The following GZMK variants were observed in gnomAD, a reference collection of about 807,000 sequenced individuals.
The protein encoded by GZMK is NK-Tryp-2.
Under a neutral mutation model 22.8 loss-of-function variants are expected in GZMK, and 18 were observed. The ratio of observed to expected loss-of-function variants is 0.79; its 90% CI spans 0.54 to 1.17. GZMK has a LOEUF of 1.17. Ranked by LOEUF, GZMK falls within the 50% of genes most tolerant of loss-of-function variation. The probability of loss-of-function intolerance (pLI) is 0.00; values close to 1 mark genes in which losing one functional copy is unlikely to be tolerated. For synonymous variants in GZMK, 136 were observed against 115.0 expected (o/e 1.18, Z -1.17); for missense variants, 342 against 320.2 (o/e 1.07, Z -0.52).
chr5:55,030,370 C>T, intron 2 of GZMK, 64 bp from the exon 3 acceptor site: 2 of 1,478,942 alleles, frequency 1.4e-6, no homozygotes, highest in South Asian at 1.2e-5. Context: ...TCTCGACCAT[C>T]ACCACTCCCC....
Position 55,024,796 on chromosome 5 carries a change from C to T in GZMK, c.201C>T (p.His67=), listed in dbSNP as rs1741119533. 5.0e-6 allele frequency: 8 copies of T among 1,598,388 alleles called. No homozygotes were observed. Among genetic ancestry groups the T allele is most frequent in the Non-Finnish European group, 6.0e-6 (7 of 1,170,196 alleles). The change falls in exon 2 of 5, where the codon CAC becomes CAT. Residue 67 remains histidine (H), a synonymous_variant. Coordinates refer to ENST00000231009, the MANE Select transcript of GZMK (RefSeq NM_002104.3). Reference sequence around the variant, plus strand: ...CACAGTGGGTGCTGACAGCAGCCCACTGCCAATATCGGTGAGTCCTCCACA... The same window carrying T: ...CACAGTGGGTGCTGACAGCAGCCCATTGCCAATATCGGTGAGTCCTCCACA... The part of the protein sequence containing the change: ...IDPQWVLTAA[H]CQYRFTKGQS...
chr5:55,031,169 C>G (rs943153218), intron 3 of GZMK, among the ~76,000 whole-genome samples, 195 bp from the exon 4 acceptor site: 9 of 152,202 alleles, frequency 5.9e-5, no homozygotes, highest in Admixed American at 3.9e-4. Flanking sequence ...CCGCCCCAAG[C>G]CTCAGTGAGC....
At chr5:55,027,863 G>C (rs563737709) in intron 2 of GZMK, among the ~76,000 whole-genome samples, 3 of 152,304 alleles carry the variant, frequency 2.0e-5, no homozygotes, top group African/African-American at 7.2e-5. Flanking sequence ...CCTGTGCTGT[G>C]CAACTGAAAA....
At chr5:55,028,847 C>T (rs1741176288) in intron 2 of GZMK, among the ~76,000 whole-genome samples, 1 of 152,190 alleles carries the variant, frequency 6.6e-6, no homozygotes, top group South Asian at 2.1e-4. Flanking sequence ...TTTATCACTG[C>T]TGTAAATGTA....
intron 1 of GZMK, 51 bp from the exon 2 acceptor site, chr5:55,024,609 G>T: frequency 1.5e-6 from 2 of 1,305,476 alleles, no homozygotes; most frequent in South Asian, 1.3e-5. Context: ...AGAATTACAT[G>T]AAACAGTAGT....
At chr5:55,024,570 T>G in intron 1 of GZMK, 90 bp from the exon 2 acceptor site, 1 of 1,023,928 alleles carries the variant, frequency 9.8e-7, no homozygotes. Flanking sequence ...TTTTTAAGCT[T>G]TGAAAATAAT....
Position 55,034,061 on chromosome 5 carries a change from G to T in GZMK, c.*135G>T. 1 of 572,908 alleles carries T rather than the reference G, an allele frequency of 1.7e-6. No homozygotes were observed. The highest frequency in any genetic ancestry group is 2.6e-5 in the South Asian group (1 of 38,466). The allele number at this position is 572,908 out of a possible 1,614,324, so 35.5% of individuals were successfully genotyped here. ...GTAAGTCATTTTATTAAGGAATCAA[G>T]TTCTTTTTCACTTGTATCACTGATG... On this transcript the variant is annotated 3_prime_UTR_variant, in exon 5 of 5. Coordinates refer to ENST00000231009, the MANE Select transcript of GZMK (RefSeq NM_002104.3).
chr5:55,029,367 T>C (rs368391240), intron 2 of GZMK, among the ~76,000 whole-genome samples: 35 of 152,346 alleles, frequency 2.3e-4, no homozygotes, highest in African/African-American at 8.4e-4. Context: ...AAATTAGCAC[T>C]GTTTTCTTAC....
Position 55,030,453 on chromosome 5 carries a change from C to A in GZMK, c.232C>A (p.Pro78Thr). The A allele has an allele frequency of 6.2e-7, 1 of 1,613,686 alleles. No homozygotes were observed. Among genetic ancestry groups the A allele is most frequent in the Non-Finnish European group, 8.5e-7 (1 of 1,179,864 alleles). The stretch of plus-strand genomic sequence containing the variant: ...TTTTAGGTTTACCAAAGGCCAGTCT[C>A]CCACTGTGGTTTTAGGCGCACACTC... ...CQYRFTKGQS[P>T]TVVLGAHSLS... The change falls in exon 3 of 5, where the codon CCC becomes ACC. Residue 78 changes from proline (P) to threonine (T), a missense_variant. Pro to Thr is a conservative substitution (Grantham distance 38, BLOSUM62 -1). Coordinates refer to ENST00000231009, the MANE Select transcript of GZMK (RefSeq NM_002104.3).
In GZMK at chr5:55,034,103, G is replaced by T; in HGVS notation, c.*177G>T. The T allele has an allele frequency of 7.7e-6, 4 of 522,544 alleles. No homozygotes were observed. In the East Asian group the frequency reaches 9.4e-5, roughly 12 times the overall value. 32.4% of individuals were successfully genotyped at this position (522,544 alleles called of 1,614,324 possible). On this transcript the variant is annotated 3_prime_UTR_variant, in exon 5 of 5. Transcript: ENST00000231009. Reference sequence around the variant, plus strand: ...TCACTGATGTATTTCTACCATGCTGGTTTTATTCTAAATAAAATTTAGAAG... The same window carrying T: ...TCACTGATGTATTTCTACCATGCTGTTTTTATTCTAAATAAAATTTAGAAG...
At chr5:55,024,484 C>A in intron 1 of GZMK, 98 bp downstream of exon 1, 1 of 780,912 alleles carries the variant, frequency 1.3e-6, no homozygotes, top group Non-Finnish European at 2.1e-6. Context: ...TCATTCCTAT[C>A]TTTCTGAACT....
Position 55,031,364 on chromosome 5 carries a change from C to T in GZMK, c.364C>T (p.Leu122Phe). 6.2e-7 allele frequency: 1 copy of T among 1,611,464 alleles called. No individual in the cohort carries two copies. Among genetic ancestry groups the T allele is most frequent in the Non-Finnish European group, 8.5e-7 (1 of 1,177,828 alleles). ...ATTCCATCTTTTTTCAATCTGTCAG[C>T]TTCAAACAGCCGCAAAACTCAATAA... The part of the protein sequence containing the change: ...PQSNDIMLVK[L>F]QTAAKLNKHV... The change falls in exon 4 of 5, where the codon CTT (leucine) becomes TTT (phenylalanine). Residue 122 changes from leucine (L) to phenylalanine (F), a missense_variant and splice_region_variant. By Grantham distance (22) the Leu-to-Phe change is conservative (BLOSUM62 0). Coordinates refer to ENST00000231009, the MANE Select transcript of GZMK (RefSeq NM_002104.3).
At chr5:55,024,571 T>G (rs1741114757) in intron 1 of GZMK, 89 bp from the exon 2 acceptor site, 1 of 1,033,786 alleles carries the variant, frequency 9.7e-7, no homozygotes, top group Non-Finnish European at 1.4e-6. Context: ...TTTTAAGCTT[T>G]GAAAATAATA....
chr5:55,025,118 A>T (rs1741124570), intron 2 of GZMK: 1 of 192,602 alleles, frequency 5.2e-6, no homozygotes, highest in African/African-American at 2.3e-5. Context: ...CACACTGCTC[A>T]AAAGGAAATC....
intron 1 of GZMK, 52 bp from the exon 2 acceptor site, chr5:55,024,608 T>C: frequency 1.5e-6 from 2 of 1,299,860 alleles, no homozygotes; most frequent in East Asian, 2.3e-5. Context: ...AAGAATTACA[T>C]GAAACAGTAG....
At chr5:55,030,926 C>A (rs1741219324) in intron 3 of GZMK, among the ~76,000 whole-genome samples, 1 of 152,206 alleles carries the variant, frequency 6.6e-6, no homozygotes, top group Non-Finnish European at 1.5e-5. Context: ...GTTGTTTATA[C>A]AACAGAGCCA....
Position 55,028,938 on chromosome 5 carries a change from T to A in GZMK, c.213-1496T>A, listed in dbSNP as rs373506608. 2.6e-5 allele frequency among the ~76,000 whole-genome samples: 4 copies of A among 152,242 alleles called. No individual in the cohort carries two copies. The East Asian group carries it at 7.7e-4, about 29-fold the overall frequency. On this transcript the variant is annotated intron_variant, in intron 2 of 4. Transcript: ENST00000231009. ...ACTAGAACTGTGTATGACCAGAGATTTAAAAAGCAAACCTTGCCAGGCACA... is the reference window on the plus strand; with the variant it reads ...ACTAGAACTGTGTATGACCAGAGATATAAAAAGCAAACCTTGCCAGGCACA...
intron 2 of GZMK, among the ~76,000 whole-genome samples, chr5:55,029,567 T>C (rs76517241): frequency 0.072 from 10,931 of 151,992 alleles, 536 homozygotes; most frequent in Middle Eastern, 0.27. Flanking sequence ...TGTTTGTTTG[T>C]TTGTTTGTTT....
chr5:55,029,736 T>G (rs1222757456), intron 2 of GZMK, among the ~76,000 whole-genome samples: 1 of 152,158 alleles, frequency 6.6e-6, no homozygotes, highest in Non-Finnish European at 1.5e-5. Context: ...TAATGTTTTT[T>G]TAGAGATGGG....
Sources: gnomAD v4.1 joint callset for allele counts (sites outside exome capture counted in the v4.1 genomes callset) on GRCh38, gnomAD v4.1.1 for gene constraint, MANE v1.5 for transcripts, NCBI Gene and HGNC (gene_info 2026-07-23, HGNC 2026-07-21) for gene names.